Variants in TMTC2 observed in about 807,000 individuals in gnomAD.
The protein encoded by TMTC2 is transmembrane O-mannosyltransferase targeting cadherins 2, also known as protein O-mannosyl-transferase TMTC2.
In TMTC2, 43 loss-of-function variants were observed where a neutral mutation model predicts 82.4. That is an observed-to-expected ratio of 0.52 (90% CI 0.41 to 0.67). TMTC2 has a LOEUF of 0.67. Ranked by LOEUF, TMTC2 falls within the 30% of genes least tolerant of loss-of-function variation. The probability of loss-of-function intolerance (pLI) is 0.00; values close to 1 mark genes in which losing one functional copy is unlikely to be tolerated. For missense variants in TMTC2, 919 were observed against 1,012.4 expected (o/e 0.91, Z 1.25); for synonymous variants, 408 against 381.9 (o/e 1.07, Z -0.80).
intron 4 of TMTC2, among the ~76,000 whole-genome samples, chr12:82,937,488 G>T (rs1876378547): frequency 8.1e-6 from 1 of 123,690 alleles, no homozygotes; most frequent in South Asian, 3.0e-4. Context: ...TCCAAATAAG[G>T]TCACATTCTG....
chr12:82,919,465 C>T (rs1350131596), intron 3 of TMTC2, among the ~76,000 whole-genome samples: 2 of 152,078 alleles, frequency 1.3e-5, no homozygotes, highest in Admixed American at 6.6e-5. Context: ...TCATTTCATC[C>T]CCAAAGTCCC....
intron 1 of TMTC2, among the ~76,000 whole-genome samples, chr12:82,800,590 C>A (rs1878943053): frequency 6.6e-6 from 1 of 152,176 alleles, no homozygotes; most frequent in African/African-American, 2.4e-5. Flanking sequence ...TTTGCTTAAG[C>A]TCCTGAAGTA....
intron 1 of TMTC2, among the ~76,000 whole-genome samples, chr12:82,812,897 A>G (rs1056984760): frequency 6.6e-6 from 1 of 152,082 alleles, no homozygotes; most frequent in Admixed American, 6.6e-5. Context: ...AACAATCTCT[A>G]TCCCTATAAT....
intron 4 of TMTC2, among the ~76,000 whole-genome samples, chr12:82,953,430 G>A (rs890158854): frequency 6.6e-6 from 1 of 152,164 alleles, no homozygotes; most frequent in Non-Finnish European, 1.5e-5. Flanking sequence ...TTTATTGCCA[G>A]TGTAGTCACT....
At chr12:83,117,432 G>A (rs1247580698) in intron 11 of TMTC2, among the ~76,000 whole-genome samples, 1 of 152,060 alleles carries the variant, frequency 6.6e-6, no homozygotes, top group South Asian at 2.1e-4. Context: ...ACGATCAAGT[G>A]GGTTTCATTT....
intron 1 of TMTC2, among the ~76,000 whole-genome samples, chr12:82,755,779 G>A (rs147890363): frequency 3.3e-4 from 50 of 152,172 alleles, no homozygotes; most frequent in East Asian, 2.9e-3. Flanking sequence ...GTTTAGTGTC[G>A]GAACTGCTTT....
intron 11 of TMTC2, among the ~76,000 whole-genome samples, chr12:83,106,607 A>G (rs763430501): frequency 2.6e-5 from 4 of 152,204 alleles, no homozygotes; most frequent in Non-Finnish European, 5.9e-5. Context: ...CTGTTTGTCA[A>G]CTGCAATACC....
chr12:82,731,499 C>A lies in TMTC2; in HGVS notation c.83+43830C>A, dbSNP rs552796904. Among the ~76,000 whole-genome samples, 4 of 152,150 alleles carry A rather than the reference C, an allele frequency of 2.6e-5. No homozygotes were observed. In the East Asian group the frequency reaches 7.7e-4, roughly 29 times the overall value. The stretch of plus-strand genomic sequence containing the variant: ...TAGTAGGCCATATACAAATTTTAGA[C>A]CAGTGGGAATTTTTGGCTAGGAATT... On this transcript the variant is annotated intron_variant, in intron 1 of 11. Coordinates refer to ENST00000321196, the MANE Select transcript of TMTC2 (RefSeq NM_152588.3).
chr12:82,759,693 C>T (rs1876508479), intron 1 of TMTC2: 1 of 152,146 alleles, frequency 6.6e-6, no homozygotes, highest in Non-Finnish European at 1.5e-5. Context: ...GTTAAAAATG[C>T]TTGACAATTT....
intron 8 of TMTC2, among the ~76,000 whole-genome samples, chr12:83,026,739 T>TGA (rs1881198110): frequency 7.0e-6 from 1 of 142,014 alleles, no homozygotes; most frequent in Admixed American, 7.1e-5. Flanking sequence ...TGTGTGTGTG[T>TGA]GTGAAAATAC....
At chr12:82,946,764 C>CA (rs1257599952) in intron 4 of TMTC2, among the ~76,000 whole-genome samples, 1 of 128,896 alleles carries the variant, frequency 7.8e-6, no homozygotes, top group African/African-American at 3.0e-5. Flanking sequence ...TTTTTTGAGA[C>CA]AGAGTCTTGC....
intron 10 of TMTC2, among the ~76,000 whole-genome samples, 186 bp from the exon 11 acceptor site, chr12:83,061,582 T>C (rs1882742230): frequency 6.6e-6 from 1 of 151,762 alleles, no homozygotes. Flanking sequence ...ATACTATTTA[T>C]AATGCCTTAA....
At chr12:82,820,104 G>T (rs138829239) in intron 1 of TMTC2, among the ~76,000 whole-genome samples, 23 of 152,302 alleles carry the variant, frequency 1.5e-4, no homozygotes, top group African/African-American at 5.5e-4. Context: ...GGTGAGAGAT[G>T]TAGGCTGGGA....
chr12:82,735,790 C>A (rs1039662956), intron 1 of TMTC2, among the ~76,000 whole-genome samples: 2 of 151,728 alleles, frequency 1.3e-5, no homozygotes, highest in East Asian at 2.0e-4. Context: ...CATAGTGAAA[C>A]CCCGTCTCTA....
At chr12:82,915,269 T>G (rs1874938345) in intron 3 of TMTC2, among the ~76,000 whole-genome samples, 1 of 152,204 alleles carries the variant, frequency 6.6e-6, no homozygotes, top group Non-Finnish European at 1.5e-5. Flanking sequence ...ATTAGTGTTA[T>G]CATCTATAGA....
intron 11 of TMTC2, among the ~76,000 whole-genome samples, chr12:83,092,430 G>A (rs1005397595): frequency 6.6e-6 from 1 of 152,152 alleles, no homozygotes; most frequent in Non-Finnish European, 1.5e-5. Flanking sequence ...TTTTATGGAA[G>A]GTACACATAT....
intron 7 of TMTC2, among the ~76,000 whole-genome samples, chr12:82,967,405 TTAA>T (rs1285558000): frequency 1.4e-5 from 2 of 139,988 alleles, no homozygotes; most frequent in African/African-American, 2.9e-5. Flanking sequence ...CAGAGTAATA[TTAA>T]TAATAAAAAC....
intron 4 of TMTC2, among the ~76,000 whole-genome samples, chr12:82,953,370 C>T (rs938703727): frequency 1.2e-4 from 18 of 152,200 alleles, no homozygotes; most frequent in South Asian, 1.0e-3. Context: ...CAAGTAGTAG[C>T]GACTTATTTA....
At chr12:82,759,700 A>G (rs80212759) in intron 1 of TMTC2, 55 of 152,306 alleles carry the variant, frequency 3.6e-4, no homozygotes, top group African/African-American at 9.4e-4. Context: ...ATGCTTGACA[A>G]TTTTTCTGAG....
Sources: allele counts gnomAD v4.1 joint callset (sites outside exome capture counted in the v4.1 genomes callset), GRCh38; gene constraint gnomAD v4.1.1; transcripts MANE v1.5; gene names NCBI Gene and HGNC (gene_info 2026-07-23, HGNC 2026-07-21).